Variants in GSK3B observed in about 807,000 individuals in gnomAD.
GSK3B encodes glycogen synthase kinase 3 beta, also known as glycogen synthase kinase-3 beta.
In GSK3B, 15 loss-of-function variants were observed where a neutral mutation model predicts 56.4. The observed-to-expected ratio is 0.27, with a 90% CI of 0.18 to 0.41. The LOEUF (loss-of-function observed/expected upper bound fraction) is 0.41. GSK3B is among the 10% of genes least tolerant of loss of function. The pLI is 1.00. For synonymous variants in GSK3B, 181 were observed against 188.9 expected, an observed-to-expected ratio of 0.96 and a Z score of 0.34; for missense variants, 300 against 513.4, an observed-to-expected ratio of 0.58 and a Z score of 4.02.
chr3:119,925,580 G>A (rs2056882265), intron 3 of GSK3B, among the ~76,000 whole-genome samples: 1 of 151,774 alleles, frequency 6.6e-6, no homozygotes, highest in African/African-American at 2.4e-5. Flanking sequence ...ACATGTTAAA[G>A]CAAAAACAAA....
rs556799258 is a variant in GSK3B, at chr3:119,906,615, T to C, written c.716-763A>G. ...ACCTCTTTCTCTCTCAAAAGTATTA[T>C]CGGATTAGAAGATAAACCGTACGGT... On this transcript the variant is annotated intron_variant, in intron 6 of 10. Transcript: ENST00000264235. 2.6e-5 allele frequency among the ~76,000 whole-genome samples: 4 copies of C among 152,028 alleles called. No individual in the cohort carries two copies. In the South Asian group the frequency reaches 6.2e-4, roughly 24 times the overall value.
intron 3 of GSK3B, among the ~76,000 whole-genome samples, chr3:119,939,903 G>A (rs2057030953): frequency 6.6e-6 from 1 of 151,970 alleles, no homozygotes; most frequent in Non-Finnish European, 1.5e-5. Context: ...CTCAACTGAA[G>A]ATAAACATTA....
intron 10 of GSK3B, among the ~76,000 whole-genome samples, chr3:119,834,851 T>A (rs1180717338): frequency 6.6e-6 from 1 of 152,164 alleles, no homozygotes; most frequent in Non-Finnish European, 1.5e-5. Context: ...GGAGAGAACA[T>A]GTTTTGCACA....
intron 1 of GSK3B, among the ~76,000 whole-genome samples, chr3:120,076,038 G>A (rs1421219094): frequency 1.3e-5 from 2 of 152,144 alleles, no homozygotes; most frequent in Non-Finnish European, 2.9e-5. Flanking sequence ...ACAGACCAGT[G>A]CAACAGAATA....
At chr3:120,064,117 TAATA>T (rs1369525622) in intron 1 of GSK3B, among the ~76,000 whole-genome samples, 4 of 151,926 alleles carry the variant, frequency 2.6e-5, no homozygotes, top group Non-Finnish European at 4.4e-5. Flanking sequence ...TCAAAAATAC[TAATA>T]TATATGTATA....
intron 3 of GSK3B, among the ~76,000 whole-genome samples, chr3:119,938,596 A>C (rs998746984): frequency 2.0e-4 from 31 of 152,190 alleles, no homozygotes; most frequent in Non-Finnish European, 3.7e-4. Flanking sequence ...TTTCGTGATA[A>C]AACGGAAAAT....
intron 7 of GSK3B, among the ~76,000 whole-genome samples, chr3:119,883,367 A>G (rs535148803): frequency 1.3e-5 from 2 of 152,290 alleles, no homozygotes; most frequent in African/African-American, 2.4e-5. Context: ...TAAACCAATT[A>G]AAACAAAACA....
intron 1 of GSK3B, among the ~76,000 whole-genome samples, chr3:120,069,375 A>G (rs1015822780): frequency 2.6e-5 from 4 of 152,228 alleles, no homozygotes; most frequent in African/African-American, 9.6e-5. Flanking sequence ...AGAAAAAACT[A>G]AAACATACAG....
chr3:119,922,052 G>A (rs1231614831), intron 4 of GSK3B, among the ~76,000 whole-genome samples: 3 of 151,882 alleles, frequency 2.0e-5, no homozygotes, highest in Non-Finnish European at 2.9e-5. Flanking sequence ...CAGGAGAATC[G>A]CTTGAACCCA....
intron 1 of GSK3B, chr3:120,029,090 G>T (rs1576282559): frequency 2.6e-6 from 2 of 780,902 alleles, no homozygotes; most frequent in Non-Finnish European, 2.2e-6. Flanking sequence ...GCTACTATTT[G>T]GCAATATGAA....
chr3:119,954,040 C>T (rs189917488), intron 2 of GSK3B, among the ~76,000 whole-genome samples: 1 of 152,024 alleles, frequency 6.6e-6, no homozygotes, highest in African/African-American at 2.4e-5. Context: ...CCCTGCCCAA[C>T]CAACATACTA....
intron 7 of GSK3B, among the ~76,000 whole-genome samples, chr3:119,901,033 A>C (rs909478010): frequency 4.6e-5 from 7 of 152,172 alleles, no homozygotes; most frequent in Non-Finnish European, 7.4e-5. Flanking sequence ...AGCATTATAC[A>C]AGCCTGCACA....
intron 8 of GSK3B, among the ~76,000 whole-genome samples, chr3:119,871,766 C>T (rs1365689870): frequency 6.6e-6 from 1 of 152,086 alleles, no homozygotes; most frequent in Non-Finnish European, 1.5e-5. Flanking sequence ...GACAATCTGA[C>T]TAAACCAGAA....
At chr3:119,957,582 T>C (rs1370231777) in intron 2 of GSK3B, among the ~76,000 whole-genome samples, 1 of 152,198 alleles carries the variant, frequency 6.6e-6, no homozygotes, top group Non-Finnish European at 1.5e-5. Context: ...CAGCATATTA[T>C]TATTAACAAT....
intron 10 of GSK3B, among the ~76,000 whole-genome samples, chr3:119,830,800 T>C (rs2055586188): frequency 6.6e-6 from 1 of 152,248 alleles, no homozygotes; most frequent in Non-Finnish European, 1.5e-5. Flanking sequence ...CGTTATTTAA[T>C]CTATCTCTCA....
intron 7 of GSK3B, among the ~76,000 whole-genome samples, chr3:119,880,695 A>G (rs753305559): frequency 6.6e-6 from 1 of 152,224 alleles, no homozygotes; most frequent in African/African-American, 2.4e-5. Context: ...AAAGAAAATA[A>G]AAAGGTGACT....
chr3:120,051,538 G>A (rs752438472), intron 1 of GSK3B, among the ~76,000 whole-genome samples: 15 of 152,122 alleles, frequency 9.9e-5, no homozygotes, highest in Admixed American at 2.6e-4. Flanking sequence ...AGGCTGAGGC[G>A]GGTGTATCAC....
intron 10 of GSK3B, among the ~76,000 whole-genome samples, chr3:119,837,994 A>G (rs2055717828): frequency 6.7e-6 from 1 of 148,414 alleles, no homozygotes; most frequent in African/African-American, 2.5e-5. Context: ...AAGAAATTAT[A>G]CTATGAATTT....
At chr3:119,891,074 AAAGT>A (rs1299903854) in intron 7 of GSK3B, among the ~76,000 whole-genome samples, 1 of 152,032 alleles carries the variant, frequency 6.6e-6, no homozygotes, top group Admixed American at 6.6e-5. Flanking sequence ...ATAGTATAGC[AAAGT>A]AAGTATAGGT....
Sources: allele counts gnomAD v4.1 joint callset (sites outside exome capture counted in the v4.1 genomes callset), GRCh38; gene constraint gnomAD v4.1.1; transcripts MANE v1.5; gene names NCBI Gene and HGNC (gene_info 2026-07-23, HGNC 2026-07-21).